The following DENND4A variants were observed in gnomAD, a reference collection of about 807,000 sequenced individuals.
DENND4A encodes DENN domain containing 4A.
In DENND4A, 70 loss-of-function variants were observed where a neutral mutation model predicts 199.3. That is an observed-to-expected ratio of 0.35 (90% CI 0.29 to 0.43). The LOEUF (loss-of-function observed/expected upper bound fraction) is 0.43, where lower values mean the gene tolerates loss of function less well. Ranked by LOEUF, DENND4A falls within the 20% of genes least tolerant of loss-of-function variation. The pLI, the probability that DENND4A is intolerant of heterozygous loss-of-function variation, is 1.00. For missense variants in DENND4A, 1,723 were observed against 2,255.8 expected (o/e 0.76, Z 4.78); for synonymous variants, 686 against 766.9 (o/e 0.89, Z 1.74).
At chr15:65,722,769 T>C (rs1237429582) in intron 12 of DENND4A, 79 bp downstream of exon 12, 34 of 1,123,606 alleles carry the variant, frequency 3.0e-5, no homozygotes, top group Non-Finnish European at 3.9e-5. Flanking sequence ...ATAAACATTA[T>C]TCTTTTATAA....
chr15:65,721,379 A>G (rs566399743), intron 12 of DENND4A, among the ~76,000 whole-genome samples: 1 of 152,188 alleles, frequency 6.6e-6, no homozygotes, highest in Non-Finnish European at 1.5e-5. Flanking sequence ...CAACTACACT[A>G]TACACTATGA....
chr15:65,678,117 G>A (rs574990568), intron 23 of DENND4A, among the ~76,000 whole-genome samples: 20 of 151,822 alleles, frequency 1.3e-4, no homozygotes, highest in Middle Eastern at 3.4e-3. Context: ...TAGTAGAGAC[G>A]GGGTTTCACC....
rs1422273675 is a variant in DENND4A, at chr15:65,691,141, A to G, written c.3453T>C (p.Gly1151=). ...ESSDDDTPFD[G]SNYLADKVDS... is the part of the protein sequence containing the mutation. ...CCACTTTATCTGCCAAATAGTTAGA[A>G]CCATCAAAAGGTGTATCATCATCAC... The change falls in exon 23 of 33, where the codon GGT becomes GGC. Residue 1151 remains glycine (G), a synonymous_variant. Coordinates refer to ENST00000443035, the MANE Select transcript of DENND4A (RefSeq NM_001320835.1). The G allele has an allele frequency of 6.2e-7, 1 of 1,613,338 alleles. No individual in the cohort carries two copies. The highest frequency in any genetic ancestry group is 1.3e-5 in the African/African-American group (1 of 74,894).
chr15:65,690,617 G>T lies in DENND4A; in HGVS notation c.3977C>A (p.Ser1326Tyr), dbSNP rs1435654036. The T allele has an allele frequency of 1.2e-6, 2 of 1,613,542 alleles. No individual in the cohort carries two copies. The highest frequency in any genetic ancestry group is 1.7e-6 in the Non-Finnish European group (2 of 1,179,742). Residue 1326 changes from serine to tyrosine, a missense_variant, in exon 23 of 33, where the codon TCT (serine) becomes TAT (tyrosine). By Grantham distance (144) the Ser-to-Tyr change is moderately radical. Transcript: ENST00000443035. The part of the protein sequence containing the change: ...EEKPRDRLWS[S>Y]PAFSPTCPFR... ...TGGGCAAGTAGGTGAGAAGGCTGGA[G>T]AAGACCAAAGTCTATCCCTTGGTTT...
intron 1 of DENND4A, among the ~76,000 whole-genome samples, chr15:65,780,621 TA>T (rs2140961668): frequency 6.6e-6 from 1 of 152,342 alleles, no homozygotes; most frequent in South Asian, 2.1e-4. Context: ...CACTAATTCA[TA>T]GCCTGGTGGA....
At chr15:65,771,194 G>C in intron 1 of DENND4A, 1 of 1,605,432 alleles carries the variant, frequency 6.2e-7, no homozygotes, top group Non-Finnish European at 8.5e-7. Flanking sequence ...ATAAAGACCG[G>C]TAAGCCGCTC....
chr15:65,743,698 G>A (rs2076315046), intron 4 of DENND4A, among the ~76,000 whole-genome samples: 3 of 152,136 alleles, frequency 2.0e-5, no homozygotes, highest in Non-Finnish European at 4.4e-5. Flanking sequence ...GTGCATTACA[G>A]GTACTCCATA....
At chr15:65,726,473 T>C (rs887176009) in intron 11 of DENND4A, among the ~76,000 whole-genome samples, 13 of 152,204 alleles carry the variant, frequency 8.5e-5, no homozygotes, top group African/African-American at 2.2e-4. Context: ...TAAAGAATCA[T>C]TGAATCTATT....
intron 13 of DENND4A, among the ~76,000 whole-genome samples, chr15:65,717,153 C>G (rs1490800210): frequency 6.7e-6 from 1 of 148,516 alleles, no homozygotes; most frequent in African/African-American, 2.5e-5. Context: ...TCATCTTTTA[C>G]TTTTTTTTTT....
chr15:65,671,450 C>T lies in DENND4A; in HGVS notation c.4464+342G>A, dbSNP rs182349107. On this transcript the variant is annotated intron_variant, in intron 25 of 32. Coordinates refer to ENST00000443035, the MANE Select transcript of DENND4A (RefSeq NM_001320835.1). ...TGTCGCCCAGGCTAGAGTGCAGTGG[C>T]GTGATCTCGGCTCACTGCAATCTCT... is the stretch of plus-strand genomic sequence containing the variant. Among the ~76,000 whole-genome samples the T allele has an allele frequency of 7.0e-4, 107 of 152,220 alleles. 1 individual carries two copies. The highest frequency in any genetic ancestry group is 4.6e-3 in the Admixed American group (70 of 15,296).
chr15:65,775,308 T>TG (rs2077253808), intron 1 of DENND4A, among the ~76,000 whole-genome samples: 1 of 151,650 alleles, frequency 6.6e-6, no homozygotes, highest in Non-Finnish European at 1.5e-5. Flanking sequence ...ATCACACCAC[T>TG]GCACTCCAGC....
At chr15:65,751,081 AT>A (rs1333834940) in intron 4 of DENND4A, among the ~76,000 whole-genome samples, 1 of 152,186 alleles carries the variant, frequency 6.6e-6, no homozygotes. Flanking sequence ...GTAAAACTTA[AT>A]TTATCACCTA....
chr15:65,668,123 G>T lies in DENND4A; in HGVS notation c.4788C>A (p.Ser1596Arg). The T allele has an allele frequency of 6.4e-7, 1 of 1,566,038 alleles. No individual in the cohort carries two copies. Among genetic ancestry groups the T allele is most frequent in the Non-Finnish European group, 8.6e-7 (1 of 1,163,220 alleles). ...LSVQGNFDLNSKSKLQENFCT... is the reference protein window; with the variant it reads ...LSVQGNFDLNRKSKLQENFCT... ...AAAAATTTTCCTGCAGTTTAGATTT[G>T]CTTGGGAATTGAAAAAAGAAGAAAG... The change falls in exon 28 of 33, where the codon AGC becomes AGA. Residue 1596 changes from serine (S) to arginine (R), a missense_variant and splice_region_variant. Coordinates refer to ENST00000443035, the MANE Select transcript of DENND4A (RefSeq NM_001320835.1).
chr15:65,698,226 A>G (rs561796905), intron 20 of DENND4A, among the ~76,000 whole-genome samples: 3 of 152,276 alleles, frequency 2.0e-5, no homozygotes, highest in Admixed American at 2.0e-4. Context: ...CTATGATTGC[A>G]CCCCTGCACT....
intron 7 of DENND4A, among the ~76,000 whole-genome samples, chr15:65,734,131 A>G (rs904224094): frequency 5.9e-5 from 9 of 152,076 alleles, no homozygotes; most frequent in Admixed American, 1.3e-4. Context: ...TGCAGTTGAG[A>G]CAAGAGGAAG....
chr15:65,669,016 G>A (rs958405255), intron 27 of DENND4A, among the ~76,000 whole-genome samples: 1 of 152,088 alleles, frequency 6.6e-6, no homozygotes, highest in Non-Finnish European at 1.5e-5. Context: ...ATAGCAGAAA[G>A]CACACTAGAC....
At position 65,667,991 on chromosome 15, in the gene DENND4A, C is replaced by T. The variant is rs1264280780; in HGVS notation, c.4920G>A (p.Lys1640=). ...RSISTSGPLD[K]EDTGRQKLIS... is the part of the protein sequence containing the mutation. Reference sequence around the variant, plus strand: ...TGAGCTTCTGTCTTCCAGTATCTTCCTTATCCAAGGGGCCAGAAGTACTAA... The same window carrying T: ...TGAGCTTCTGTCTTCCAGTATCTTCTTTATCCAAGGGGCCAGAAGTACTAA... The change falls in exon 28 of 33, where the codon AAG becomes AAA. Residue 1640 remains lysine (K), a synonymous_variant. Coordinates refer to ENST00000443035, the MANE Select transcript of DENND4A (RefSeq NM_001320835.1). 6.2e-7 allele frequency: 1 copy of T among 1,611,094 alleles called. No individual in the cohort carries two copies. The highest frequency in any genetic ancestry group is 1.3e-5 in the African/African-American group (1 of 74,716).
At chr15:65,697,075 C>T in intron 21 of DENND4A, 192 bp downstream of exon 21, 1 of 472,874 alleles carries the variant, frequency 2.1e-6, no homozygotes, top group Non-Finnish European at 3.7e-6. Flanking sequence ...TGTTTTGCCA[C>T]TGAGGCTATA....
chr15:65,694,186 C>T (rs756386615), intron 22 of DENND4A, among the ~76,000 whole-genome samples: 2 of 152,136 alleles, frequency 1.3e-5, no homozygotes, highest in Non-Finnish European at 2.9e-5. Flanking sequence ...CAGAGGCTCA[C>T]GCCTGTAATC....
Sources: gnomAD v4.1 joint callset for allele counts (sites outside exome capture counted in the v4.1 genomes callset) on GRCh38, gnomAD v4.1.1 for gene constraint, MANE v1.5 for transcripts, NCBI Gene and HGNC (gene_info 2026-07-23, HGNC 2026-07-21) for gene names.